Variants in IFT52 observed in about 807,000 individuals in gnomAD.
IFT52 encodes intraflagellar transport 52.
In IFT52, 44 loss-of-function variants were observed where a neutral mutation model predicts 54.4. That is an observed-to-expected ratio of 0.81 (90% CI 0.63 to 1.04). The LOEUF is 1.04. Among genes scored for constraint, IFT52 ranks in the 50% least tolerant of loss-of-function variants. The pLI, the probability that IFT52 is intolerant of heterozygous loss-of-function variation, is 0.00. For synonymous variants in IFT52, 181 were observed against 185.3 expected, an observed-to-expected ratio of 0.98 and a Z score of 0.19; for missense variants, 452 against 523.6, an observed-to-expected ratio of 0.86 and a Z score of 1.33.
At chr20:43,598,670 G>A (rs1218950982) in intron 3 of IFT52, among the ~76,000 whole-genome samples, 1 of 152,120 alleles carries the variant, frequency 6.6e-6, no homozygotes, top group Non-Finnish European at 1.5e-5. Context: ...ACTCCAGCCT[G>A]GCGACAGAGA....
chr20:43,609,230 A>G (rs1458685989), intron 6 of IFT52, among the ~76,000 whole-genome samples: 1 of 152,194 alleles, frequency 6.6e-6, no homozygotes, highest in African/African-American at 2.4e-5. Flanking sequence ...TGACAGAGCA[A>G]GACTATCTCA....
intron 1 of IFT52, among the ~76,000 whole-genome samples, chr20:43,593,207 A>G (rs945422190): frequency 1.3e-5 from 2 of 152,248 alleles, no homozygotes; most frequent in Non-Finnish European, 2.9e-5. Flanking sequence ...GCAAAAATCT[A>G]TAGCAAGAGA....
chr20:43,637,186 G>A lies in IFT52; in HGVS notation c.1053G>A (p.Leu351=), dbSNP rs1985594994. 1 of 1,611,048 alleles carries A rather than the reference G, an allele frequency of 6.2e-7. No homozygotes were observed. The highest frequency in any genetic ancestry group is 8.5e-7 in the Non-Finnish European group (1 of 1,178,864). The part of the protein sequence containing the change: ...PSFRELPPPP[L]ELFDLDETFS... The stretch of plus-strand genomic sequence containing the variant: ...TCCGGGAGTTACCACCTCCTCCTCT[G>A]GAGCTATTTGATTTAGATGAAACGT... The change falls in exon 12 of 14, where the codon CTG becomes CTA. Residue 351 remains leucine, a synonymous_variant. Coordinates refer to ENST00000373030, the MANE Select transcript of IFT52 (RefSeq NM_016004.5).
At chr20:43,610,467 C>G (rs1470177476) in intron 6 of IFT52, among the ~76,000 whole-genome samples, 3 of 152,088 alleles carry the variant, frequency 2.0e-5, no homozygotes, top group Non-Finnish European at 4.4e-5. Flanking sequence ...GGCGCAGTGA[C>G]TCACGCCTGT....
Position 43,613,834 on chromosome 20 carries a change from C to A in IFT52, c.486-16C>A, listed in dbSNP as rs747016258. The A allele has an allele frequency of 1.2e-6, 2 of 1,601,062 alleles. No individual in the cohort carries two copies. The highest frequency in any genetic ancestry group is 1.7e-6 in the Non-Finnish European group (2 of 1,175,856). On this transcript the variant is annotated splice_polypyrimidine_tract_variant and intron_variant, in intron 6 of 13. Coordinates refer to ENST00000373030, the MANE Select transcript of IFT52 (RefSeq NM_016004.5). ...ATGTTTTTAAAATTTGAATGTGTTT[C>A]TTTAATTTCTTACAGGGCTCTCACC...
intron 10 of IFT52, among the ~76,000 whole-genome samples, chr20:43,626,022 G>A (rs1313813524): frequency 3.7e-4 from 36 of 96,656 alleles, no homozygotes; most frequent in South Asian, 1.4e-3. Flanking sequence ...CTTGTCTCCG[G>A]AAAAAAAAAA....
intron 3 of IFT52, among the ~76,000 whole-genome samples, chr20:43,599,599 T>C (rs571456303): frequency 2.6e-5 from 4 of 152,312 alleles, no homozygotes; most frequent in Non-Finnish European, 5.9e-5. Flanking sequence ...AATGGGCTCA[T>C]GCTTGTGAGA....
At chr20:43,603,262 T>C (rs1982597869) in intron 3 of IFT52, among the ~76,000 whole-genome samples, 1 of 152,170 alleles carries the variant, frequency 6.6e-6, no homozygotes, top group Admixed American at 6.5e-5. Context: ...TTGAACAGAA[T>C]TCCTCCCAGG....
chr20:43,591,417 C>T (rs1285341492), intron 1 of IFT52, among the ~76,000 whole-genome samples: 1 of 152,190 alleles, frequency 6.6e-6, no homozygotes, highest in South Asian at 2.1e-4. Context: ...AATGGTTTGG[C>T]AGCGTTACCC....
At position 43,603,708 on chromosome 20, in the gene IFT52, C is replaced by T. The variant is rs190810221; in HGVS notation, c.208-52C>T. 7.5e-4 allele frequency: 1,174 copies of T among 1,556,812 alleles called. 2 individuals are homozygous for T. Among genetic ancestry groups the T allele is most frequent in the Non-Finnish European group, 9.5e-4 (1,088 of 1,141,254 alleles). On this transcript the variant is annotated intron_variant, in intron 3 of 13. Coordinates refer to ENST00000373030, the MANE Select transcript of IFT52 (RefSeq NM_016004.5). ...AGTTAAGGTCTTATTCATGGTATTT[C>T]GGGCAAAAGTCTTTCAAGTATATTC...
At chr20:43,620,186 G>T (rs1984184208) in intron 8 of IFT52, among the ~76,000 whole-genome samples, 1 of 151,698 alleles carries the variant, frequency 6.6e-6, no homozygotes, top group African/African-American at 2.4e-5. Flanking sequence ...CAAAGTGCTG[G>T]GATTACAGCT....
Position 43,598,468 on chromosome 20 carries a change from G to T in IFT52, c.207+1946G>T, listed in dbSNP as rs546328402. The stretch of plus-strand genomic sequence containing the variant: ...CCAGCACTTTGGGAGGCTGAGGTGG[G>T]TGGATCACTTGAGGCTAGGAGTTTG... On this transcript the variant is annotated intron_variant, in intron 3 of 13. Transcript: ENST00000373030. Among the ~76,000 whole-genome samples the T allele has an allele frequency of 3.9e-5, 6 of 152,308 alleles. No individual in the cohort carries two copies. The South Asian group carries it at 1.0e-3, about 26-fold the overall frequency.
At chr20:43,622,718 T>G (rs1199236059) in intron 9 of IFT52, among the ~76,000 whole-genome samples, 3 of 146,042 alleles carry the variant, frequency 2.1e-5, no homozygotes, top group Non-Finnish European at 4.5e-5. Flanking sequence ...CATATTTTTA[T>G]GTAAATATAA....
intron 3 of IFT52, among the ~76,000 whole-genome samples, chr20:43,600,328 G>A (rs148074191): frequency 0.026 from 3,975 of 150,084 alleles, 67 homozygotes; most frequent in Non-Finnish European, 0.037. Context: ...TTCCTGAGAC[G>A]GAGTCTTGCT....
chr20:43,599,388 T>C (rs183097378), intron 3 of IFT52, among the ~76,000 whole-genome samples: 15 of 152,288 alleles, frequency 9.8e-5, no homozygotes, highest in Admixed American at 3.3e-4. Context: ...CTTCCAGGCA[T>C]GGTAGGCTGA....
chr20:43,613,643 G>T (rs1232195582), intron 6 of IFT52, among the ~76,000 whole-genome samples: 1 of 152,162 alleles, frequency 6.6e-6, no homozygotes, highest in African/African-American at 2.4e-5. Context: ...TTAACTGGGC[G>T]TGATAGCAGG....
intron 3 of IFT52, among the ~76,000 whole-genome samples, chr20:43,603,523 G>T (rs1982617562): frequency 6.6e-6 from 1 of 152,160 alleles, no homozygotes; most frequent in African/African-American, 2.4e-5. Context: ...CTTTTGACTT[G>T]CTCTCTAGAT....
intron 3 of IFT52, among the ~76,000 whole-genome samples, chr20:43,600,852 TCACAA>T (rs1982387099): frequency 6.6e-6 from 1 of 151,852 alleles, no homozygotes; most frequent in Non-Finnish European, 1.5e-5. Flanking sequence ...GCTCCTGTAG[TCACAA>T]CTACTCAGGA....
intron 12 of IFT52, among the ~76,000 whole-genome samples, chr20:43,638,551 G>T (rs905002044): frequency 2.6e-5 from 4 of 151,964 alleles, no homozygotes; most frequent in Non-Finnish European, 5.9e-5. Flanking sequence ...TAGGAGGATC[G>T]CTTGAACTTA....
Sources: allele counts gnomAD v4.1 joint callset (sites outside exome capture counted in the v4.1 genomes callset), GRCh38; gene constraint gnomAD v4.1.1; transcripts MANE v1.5; gene names NCBI Gene and HGNC (gene_info 2026-07-23, HGNC 2026-07-21).